Variants in OSBPL1A observed in about 807,000 individuals in gnomAD.
OSBPL1A encodes oxysterol binding protein like 1A.
In OSBPL1A, 80 loss-of-function variants were observed where a neutral mutation model predicts 137.1. The observed-to-expected ratio is 0.58, with a 90% CI of 0.49 to 0.70. The LOEUF (loss-of-function observed/expected upper bound fraction) is 0.70, where lower values mean the gene tolerates loss of function less well. Ranked by LOEUF, OSBPL1A falls within the 30% of genes least tolerant of loss-of-function variation. The pLI, the probability that OSBPL1A is intolerant of heterozygous loss-of-function variation, is 0.00. For missense variants in OSBPL1A, 970 were observed against 1,129.4 expected, an observed-to-expected ratio of 0.86 and a Z score of 2.02; for synonymous variants, 365 against 389.7, an observed-to-expected ratio of 0.94 and a Z score of 0.75.
chr18:24,317,125 C>A (rs2090750881), intron 11 of OSBPL1A, 24 bp downstream of exon 11: 1 of 1,612,220 alleles, frequency 6.2e-7, no homozygotes, highest in Non-Finnish European at 8.5e-7. Flanking sequence ...GTTAGAGGAG[C>A]AAATGATCCA....
rs1034893616 is a variant in OSBPL1A, at chr18:24,239,485, A to G, written c.1282-103T>C. The G allele has an allele frequency of 1.3e-5, 14 of 1,040,108 alleles. No homozygotes were observed. The Admixed American group carries it at 2.8e-4, about 21-fold the overall frequency. 64.4% of individuals were successfully genotyped at this position (1,040,108 alleles called of 1,614,324 possible). A position where few individuals can be genotyped will look rare whatever the true frequency, so the allele number is the denominator to read the frequency against. ...TTGCTTTTGATCCAGTTCAACTGCA[A>G]TATCAGAAATGAAAACAGTCGTGTC... is the stretch of plus-strand genomic sequence containing the variant. On this transcript the variant is annotated intron_variant, in intron 15 of 27. Coordinates refer to ENST00000319481, the MANE Select transcript of OSBPL1A (RefSeq NM_080597.4).
In OSBPL1A at chr18:24,225,178, G is replaced by A. The variant is rs771757514; in HGVS notation, c.1465C>T (p.Leu489=). The change falls in exon 17 of 28, where the codon CTG becomes TTG. Residue 489 remains leucine, a synonymous_variant. Transcript: ENST00000319481. The part of the protein sequence containing the change: ...ALSDSESERS[L]SRLEAVTARS... ...GCTGTCACTGCTTCCAATCTACTCAGGGACCTTTCGGACTCGGAATCTGTG... is the reference window on the plus strand; with the variant it reads ...GCTGTCACTGCTTCCAATCTACTCAAGGACCTTTCGGACTCGGAATCTGTG... 6.2e-7 allele frequency: 1 copy of A among 1,614,056 alleles called. No homozygotes were observed. The highest frequency in any genetic ancestry group is 8.5e-7 in the Non-Finnish European group (1 of 1,179,974).
chr18:24,203,409 G>C (rs2087274492), intron 17 of OSBPL1A, among the ~76,000 whole-genome samples: 1 of 152,144 alleles, frequency 6.6e-6, no homozygotes, highest in Non-Finnish European at 1.5e-5. Context: ...ACACAAACAA[G>C]GGTATACAGG....
intron 18 of OSBPL1A, among the ~76,000 whole-genome samples, chr18:24,182,711 AT>A (rs1249206483): frequency 1.3e-5 from 2 of 152,090 alleles, no homozygotes; most frequent in African/African-American, 4.8e-5. Context: ...CACTGGGGAG[AT>A]GAGGGAAAAC....
chr18:24,299,467 G>T (rs754225199), intron 14 of OSBPL1A, among the ~76,000 whole-genome samples: 11 of 152,044 alleles, frequency 7.2e-5, no homozygotes, highest in Non-Finnish European at 1.2e-4. Flanking sequence ...GTCTGAAAAT[G>T]ACTTCATTTC....
intron 27 of OSBPL1A, among the ~76,000 whole-genome samples, 187 bp downstream of exon 27, chr18:24,164,878 T>C (rs1218918594): frequency 6.6e-6 from 1 of 152,224 alleles, no homozygotes; most frequent in African/African-American, 2.4e-5. Flanking sequence ...GGAATCAACC[T>C]GTGTCCATCA....
intron 2 of OSBPL1A, among the ~76,000 whole-genome samples, chr18:24,368,758 G>C (rs1466636407): frequency 6.6e-6 from 1 of 152,194 alleles, no homozygotes; most frequent in Non-Finnish European, 1.5e-5. Flanking sequence ...ACCTGTATCA[G>C]GAGGGTATGG....
At chr18:24,194,386 C>A (rs2086969504) in intron 18 of OSBPL1A, among the ~76,000 whole-genome samples, 1 of 152,012 alleles carries the variant, frequency 6.6e-6, no homozygotes, top group South Asian at 2.1e-4. Flanking sequence ...TTTTGTGAAA[C>A]TGATTTTAAT....
chr18:24,196,631 A>T (rs751397527), intron 17 of OSBPL1A, among the ~76,000 whole-genome samples: 19 of 152,264 alleles, frequency 1.2e-4, no homozygotes, highest in Non-Finnish European at 1.6e-4. Context: ...AAGCTTAGAT[A>T]CAGGTTTTTA....
chr18:24,195,464 CA>C, intron 18 of OSBPL1A, among the ~76,000 whole-genome samples: 1 of 152,254 alleles, frequency 6.6e-6, no homozygotes, highest in East Asian at 1.9e-4. Flanking sequence ...GGTACACATT[CA>C]ATTGCAAAAT....
At chr18:24,244,782 C>T (rs1390007420) in intron 15 of OSBPL1A, among the ~76,000 whole-genome samples, 1 of 152,210 alleles carries the variant, frequency 6.6e-6, no homozygotes, top group African/African-American at 2.4e-5. Context: ...ATGTGCTAGC[C>T]AGCTACGACA....
At chr18:24,348,449 CA>C (rs2091383758) in intron 4 of OSBPL1A, among the ~76,000 whole-genome samples, 1 of 152,102 alleles carries the variant, frequency 6.6e-6, no homozygotes, top group Non-Finnish European at 1.5e-5. Flanking sequence ...ACCTGAGGCA[CA>C]GAGGTTAATA....
intron 18 of OSBPL1A, among the ~76,000 whole-genome samples, chr18:24,195,267 C>A (rs2086995734): frequency 6.6e-6 from 1 of 152,072 alleles, no homozygotes; most frequent in African/African-American, 2.4e-5. Flanking sequence ...CACCACTTCA[C>A]TCCAGTCTGG....
chr18:24,326,342 A>C (rs1263883875), intron 7 of OSBPL1A, among the ~76,000 whole-genome samples: 1 of 151,964 alleles, frequency 6.6e-6, no homozygotes, highest in Non-Finnish European at 1.5e-5. Context: ...TCATCCATTC[A>C]CCCCTCTCTG....
chr18:24,370,757 T>C (rs1312082283), intron 2 of OSBPL1A, among the ~76,000 whole-genome samples: 1 of 152,150 alleles, frequency 6.6e-6, no homozygotes, highest in Non-Finnish European at 1.5e-5. Flanking sequence ...AGCCTTTACC[T>C]CCTGGGCTCA....
rs2087360639 is a variant in OSBPL1A at position 24,205,940 on chromosome 18, G to A, written c.1602-9740C>T. Among the ~76,000 whole-genome samples the A allele has an allele frequency of 2.0e-5, 3 of 152,326 alleles. No homozygotes were observed. In the South Asian group the frequency reaches 6.2e-4, roughly 32 times the overall value. On this transcript the variant is annotated intron_variant, in intron 17 of 27. Coordinates refer to ENST00000319481, the MANE Select transcript of OSBPL1A (RefSeq NM_080597.4). ...GAGTCTCGATCTGTCACCCAGGCTGGAGTGTAGTGGTGTGATCTCGGCTCA... is the reference window on the plus strand; with the variant it reads ...GAGTCTCGATCTGTCACCCAGGCTGAAGTGTAGTGGTGTGATCTCGGCTCA...
intron 11 of OSBPL1A, among the ~76,000 whole-genome samples, chr18:24,315,310 A>G (rs2090698298): frequency 6.6e-6 from 1 of 152,120 alleles, no homozygotes; most frequent in Non-Finnish European, 1.5e-5. Context: ...GAATCCCCCA[A>G]GGGAAAGAGA....
At chr18:24,222,964 T>TAATAGTAAG (rs754113452) in intron 17 of OSBPL1A, among the ~76,000 whole-genome samples, 8 of 152,080 alleles carry the variant, frequency 5.3e-5, no homozygotes, top group Non-Finnish European at 7.4e-5. Context: ...TGATTTTTTT[T>TAATAGTAAG]TAATAGTAAG....
At chr18:24,321,888 G>A in intron 7 of OSBPL1A, 1 of 334,218 alleles carries the variant, frequency 3.0e-6, no homozygotes, top group Non-Finnish European at 5.8e-6. Flanking sequence ...AATTAATTAT[G>A]CTATTTGATT....
Sources: gnomAD v4.1 joint callset for allele counts (sites outside exome capture counted in the v4.1 genomes callset) on GRCh38, gnomAD v4.1.1 for gene constraint, MANE v1.5 for transcripts, NCBI Gene and HGNC (gene_info 2026-07-23, HGNC 2026-07-21) for gene names.